GRM5: variants seen among roughly 807,000 people sequenced by gnomAD.
The protein encoded by GRM5 is metabotropic glutamate receptor 5.
In GRM5, 19 loss-of-function variants were observed where a neutral mutation model predicts 83.1. The ratio of observed to expected loss-of-function variants is 0.23; its 90% CI spans 0.16 to 0.34. The LOEUF (loss-of-function observed/expected upper bound fraction) is 0.34. Ranked by LOEUF, GRM5 falls within the 10% of genes least tolerant of loss-of-function variation. The probability of loss-of-function intolerance (pLI) is 1.00; values close to 1 mark genes in which losing one functional copy is unlikely to be tolerated. For missense variants in GRM5, 1,160 were observed against 1,588.3 expected (o/e 0.73, Z 4.58); for synonymous variants, 675 against 633.6 (o/e 1.07, Z -0.98).
intron 2 of GRM5, among the ~76,000 whole-genome samples, chr11:88,981,737 T>C (rs942948368): frequency 6.6e-6 from 1 of 152,196 alleles, no homozygotes; most frequent in African/African-American, 2.4e-5. Context: ...GAACTGAAGT[T>C]CGTATCTCAG....
intron 2 of GRM5, among the ~76,000 whole-genome samples, chr11:88,896,955 T>G (rs762458290): frequency 1.3e-5 from 2 of 151,850 alleles, no homozygotes; most frequent in African/African-American, 2.4e-5. Flanking sequence ...AGTGCAAAAT[T>G]TGTTAAATGT....
chr11:88,826,774 C>T (rs2135515359), intron 3 of GRM5, among the ~76,000 whole-genome samples: 1 of 152,258 alleles, frequency 6.6e-6, no homozygotes, highest in East Asian at 1.9e-4. Context: ...AAAAAAAATC[C>T]CTTTATCTAC....
chr11:88,889,583 G>A (rs1945105542), intron 2 of GRM5, among the ~76,000 whole-genome samples: 1 of 152,158 alleles, frequency 6.6e-6, no homozygotes, highest in Non-Finnish European at 1.5e-5. Context: ...AGTAACAGTG[G>A]ATTTAAAGGG....
intron 2 of GRM5, among the ~76,000 whole-genome samples, chr11:88,923,740 G>C (rs2135632895): frequency 6.6e-6 from 1 of 151,734 alleles, no homozygotes; most frequent in Admixed American, 6.6e-5. Flanking sequence ...AATGCCTGAG[G>C]TGATGAATAT....
intron 3 of GRM5, among the ~76,000 whole-genome samples, chr11:88,808,171 G>C (rs1189290599): frequency 1.3e-5 from 2 of 152,004 alleles, no homozygotes; most frequent in East Asian, 3.8e-4. Flanking sequence ...GGAATGCACA[G>C]ACATGTGTAT....
intron 3 of GRM5, among the ~76,000 whole-genome samples, chr11:88,723,363 G>A (rs1426512226): frequency 6.6e-6 from 1 of 152,068 alleles, no homozygotes; most frequent in Non-Finnish European, 1.5e-5. Flanking sequence ...TTTTGTGTGG[G>A]CATAAGTTTT....
chr11:88,883,832 T>A (rs1353769149), intron 2 of GRM5, among the ~76,000 whole-genome samples: 1 of 152,132 alleles, frequency 6.6e-6, no homozygotes, highest in Non-Finnish European at 1.5e-5. Flanking sequence ...CCTTGGCAAC[T>A]TACACATGGT....
At chr11:88,777,944 C>T (rs112451652) in intron 3 of GRM5, among the ~76,000 whole-genome samples, 5,187 of 152,284 alleles carry the variant, frequency 0.034, 152 homozygotes, top group African/African-American at 0.087. Flanking sequence ...TCTGTCCATT[C>T]TCAGAGCTCA....
At chr11:88,744,411 T>A (rs1942090480) in intron 3 of GRM5, among the ~76,000 whole-genome samples, 1 of 152,190 alleles carries the variant, frequency 6.6e-6, no homozygotes, top group Non-Finnish European at 1.5e-5. Flanking sequence ...AATAGGCTAG[T>A]GGGGACTTCA....
intron 3 of GRM5, among the ~76,000 whole-genome samples, chr11:88,691,566 T>A (rs985009821): frequency 2.6e-5 from 4 of 152,182 alleles, no homozygotes; most frequent in Non-Finnish European, 4.4e-5. Context: ...CTTCTCACCT[T>A]CTCTTTGCTA....
At chr11:88,764,653 A>G (rs1466736249) in intron 3 of GRM5, among the ~76,000 whole-genome samples, 1 of 151,638 alleles carries the variant, frequency 6.6e-6, no homozygotes, top group African/African-American at 2.4e-5. Flanking sequence ...ATACTTAAAG[A>G]TGAATGAAAG....
intron 3 of GRM5, among the ~76,000 whole-genome samples, chr11:88,720,095 CCCG>C (rs1240799352): frequency 6.6e-6 from 1 of 151,914 alleles, no homozygotes; most frequent in Non-Finnish European, 1.5e-5. Flanking sequence ...ATATAAAAGT[CCCG>C]TGAAGACAGA....
At chr11:88,986,751 C>T (rs1367152317) in intron 2 of GRM5, among the ~76,000 whole-genome samples, 98 of 103,384 alleles carry the variant, frequency 9.5e-4, no homozygotes, top group African/African-American at 3.1e-3. Flanking sequence ...TTTTTTTGCA[C>T]TCTTGGTATC....
intron 9 of GRM5, among the ~76,000 whole-genome samples, chr11:88,512,990 T>TG (rs1941420584): frequency 6.6e-6 from 1 of 152,216 alleles, no homozygotes; most frequent in South Asian, 2.1e-4. Flanking sequence ...ACTATCTCCT[T>TG]GGGTGATCAC....
intron 3 of GRM5, among the ~76,000 whole-genome samples, chr11:88,791,179 C>G (rs1021228885): frequency 3.3e-5 from 5 of 152,132 alleles, no homozygotes; most frequent in African/African-American, 1.2e-4. Flanking sequence ...TATATCTACT[C>G]TCATTGTTTT....
At chr11:88,573,262 C>T (rs543164998) in intron 7 of GRM5, among the ~76,000 whole-genome samples, 2 of 152,226 alleles carry the variant, frequency 1.3e-5, no homozygotes, top group African/African-American at 2.4e-5. Context: ...CTAATGTGTT[C>T]CCCATAAGTC....
At chr11:88,940,485 A>G in intron 2 of GRM5, among the ~76,000 whole-genome samples, 1 of 150,978 alleles carries the variant, frequency 6.6e-6, no homozygotes, top group Non-Finnish European at 1.5e-5. Context: ...TTATCTTTTG[A>G]ACAATAATGT....
intron 8 of GRM5, among the ~76,000 whole-genome samples, chr11:88,555,401 G>A (rs529946334): frequency 6.6e-6 from 1 of 152,166 alleles, no homozygotes; most frequent in African/African-American, 2.4e-5. Context: ...GACTGGACTG[G>A]GACTTACTTA....
intron 1 of GRM5, among the ~76,000 whole-genome samples, chr11:89,053,463 A>T (rs1359273041): frequency 1.3e-5 from 2 of 152,186 alleles, no homozygotes; most frequent in East Asian, 3.8e-4. Context: ...TTCCAAATAG[A>T]CCTGAAAGGA....
Sources: gnomAD v4.1 joint callset for allele counts (sites outside exome capture counted in the v4.1 genomes callset) on GRCh38, gnomAD v4.1.1 for gene constraint, MANE v1.5 for transcripts, NCBI Gene and HGNC (gene_info 2026-07-23, HGNC 2026-07-21) for gene names.